The following STXBP5L variants were observed in gnomAD, a reference collection of about 807,000 sequenced individuals.
STXBP5L encodes the protein syntaxin binding protein 5L.
STXBP5L carries 65 observed loss-of-function variants against 144.5 expected under a neutral mutation model. That is an observed-to-expected ratio of 0.45 (90% confidence interval 0.37 to 0.55). The LOEUF is 0.55. Ranked by LOEUF, STXBP5L falls within the 20% of genes least tolerant of loss-of-function variation. The probability of loss-of-function intolerance (pLI) is 0.00; values close to 1 mark genes in which losing one functional copy is unlikely to be tolerated. For synonymous variants in STXBP5L, 505 were observed against 469.6 expected, an observed-to-expected ratio of 1.08 and a Z score of -0.97; for missense variants, 1,298 against 1,405.5, an observed-to-expected ratio of 0.92 and a Z score of 1.22.
At chr3:121,012,644 TTAAA>T (rs569162629) in intron 3 of STXBP5L, among the ~76,000 whole-genome samples, 87 of 151,948 alleles carry the variant, frequency 5.7e-4, no homozygotes, top group African/African-American at 1.9e-3. Flanking sequence ...AAATGTCGAT[TTAAA>T]TATTTTGCTC....
At chr3:121,073,775 T>C (rs1304644944) in intron 5 of STXBP5L, among the ~76,000 whole-genome samples, 3 of 152,114 alleles carry the variant, frequency 2.0e-5, no homozygotes, top group Non-Finnish European at 2.9e-5. Context: ...TAATTTGGAA[T>C]CCAAATGTGA....
At chr3:121,135,885 G>T (rs538790795) in intron 7 of STXBP5L, among the ~76,000 whole-genome samples, 1 of 152,160 alleles carries the variant, frequency 6.6e-6, no homozygotes, top group Non-Finnish European at 1.5e-5. Flanking sequence ...AACTACAGTG[G>T]CCTCAAGCCC....
chr3:121,246,653 T>C (rs1427459922), intron 14 of STXBP5L, among the ~76,000 whole-genome samples: 1 of 152,210 alleles, frequency 6.6e-6, no homozygotes, highest in Admixed American at 6.5e-5. Context: ...ATAGCATCTT[T>C]ATTTGTAACA....
intron 3 of STXBP5L, among the ~76,000 whole-genome samples, chr3:121,018,766 T>C (rs771808848): frequency 2.0e-5 from 3 of 152,168 alleles, no homozygotes; most frequent in Non-Finnish European, 4.4e-5. Context: ...CGGAACTAAC[T>C]TGCAGCTACC....
At chr3:121,313,672 T>G (rs1577432724) in intron 19 of STXBP5L, among the ~76,000 whole-genome samples, 1 of 44,036 alleles carries the variant, frequency 2.3e-5, no homozygotes, top group Non-Finnish European at 4.2e-5. Context: ...CACTTCCCAG[T>G]AGGGGCAGCC....
chr3:121,264,407 C>A (rs1169203231), intron 18 of STXBP5L, among the ~76,000 whole-genome samples: 1 of 151,912 alleles, frequency 6.6e-6, no homozygotes, highest in Non-Finnish European at 1.5e-5. Flanking sequence ...GTAAACATAC[C>A]CATTCTAAAG....
At chr3:121,254,452 A>C (rs926706495) in intron 15 of STXBP5L, among the ~76,000 whole-genome samples, 1 of 152,180 alleles carries the variant, frequency 6.6e-6, no homozygotes, top group Non-Finnish European at 1.5e-5. Flanking sequence ...TGTTGAGAGT[A>C]GTAAACCCTC....
At chr3:120,930,625 A>G (rs944401950) in intron 2 of STXBP5L, among the ~76,000 whole-genome samples, 2 of 152,036 alleles carry the variant, frequency 1.3e-5, no homozygotes, top group Non-Finnish European at 2.9e-5. Flanking sequence ...TTGATATATC[A>G]CATTTTGACA....
At chr3:120,975,094 T>A (rs1250760412) in intron 3 of STXBP5L, among the ~76,000 whole-genome samples, 1 of 152,118 alleles carries the variant, frequency 6.6e-6, no homozygotes, top group African/African-American at 2.4e-5. Flanking sequence ...TCATTGGTAG[T>A]TTGATGGGGA....
At chr3:121,363,565 G>C (rs1341362035) in intron 20 of STXBP5L, among the ~76,000 whole-genome samples, 1 of 151,996 alleles carries the variant, frequency 6.6e-6, no homozygotes, top group Non-Finnish European at 1.5e-5. Context: ...CACAATTGCT[G>C]TTTTCTCCCT....
intron 10 of STXBP5L, among the ~76,000 whole-genome samples, chr3:121,210,863 G>C (rs557107217): frequency 6.6e-6 from 1 of 152,156 alleles, no homozygotes; most frequent in Non-Finnish European, 1.5e-5. Context: ...GTCAAGTAGT[G>C]TGATGCCTCC....
chr3:121,008,720 A>T (rs1181367106), intron 3 of STXBP5L, among the ~76,000 whole-genome samples: 1 of 151,982 alleles, frequency 6.6e-6, no homozygotes, highest in Non-Finnish European at 1.5e-5. Context: ...TTCAATGGTA[A>T]TGTGTCCTTT....
Position 121,227,585 on chromosome 3 carries a change from A to AT in STXBP5L, c.1111+4437dup, listed in dbSNP as rs752080321. On this transcript the variant is annotated intron_variant, in intron 11 of 26. Coordinates refer to ENST00000471454, the MANE Select transcript of STXBP5L (RefSeq NM_001308330.2). The stretch of plus-strand genomic sequence containing the variant: ...GAACAGAGTAAGACTGTTTCAAAAA[A>AT]TTTTTTTTTCTTTATTTTGATTAGC... Among the ~76,000 whole-genome samples, 6 of 151,746 alleles carry AT rather than the reference A, an allele frequency of 4.0e-5. No homozygotes were observed. The South Asian group carries it at 6.2e-4, about 16-fold the overall frequency.
intron 9 of STXBP5L, among the ~76,000 whole-genome samples, chr3:121,177,405 C>G (rs1415487781): frequency 6.6e-6 from 1 of 151,668 alleles, no homozygotes; most frequent in Non-Finnish European, 1.5e-5. Context: ...TCCTACAACT[C>G]AACAACAACA....
chr3:120,958,957 T>G lies in STXBP5L; in HGVS notation c.287+3920T>G, dbSNP rs138691553. Among the ~76,000 whole-genome samples, 1,358 of 152,196 alleles carry G rather than the reference T, an allele frequency of 8.9e-3. 18 individuals carry two copies. Among genetic ancestry groups the G allele is most frequent in the African/African-American group, 0.031 (1,301 of 41,548 alleles). On this transcript the variant is annotated intron_variant, in intron 3 of 26. Coordinates refer to ENST00000471454, the MANE Select transcript of STXBP5L (RefSeq NM_001308330.2). The stretch of plus-strand genomic sequence containing the variant: ...GAGTATTCAATTAGGAAAAGAGGAA[T>G]TCAAATTGTCCCTGTTTGCAGGTGA...
intron 9 of STXBP5L, among the ~76,000 whole-genome samples, chr3:121,185,356 A>T (rs2047333493): frequency 6.6e-6 from 1 of 152,086 alleles, no homozygotes. Context: ...GGTGTTTTAG[A>T]CATGAAGTCC....
At chr3:121,223,465 C>T (rs958330419) in intron 11 of STXBP5L, among the ~76,000 whole-genome samples, 1 of 152,122 alleles carries the variant, frequency 6.6e-6, no homozygotes, top group African/African-American at 2.4e-5. Flanking sequence ...GCTGAGGTCT[C>T]TTAATAGCCT....
chr3:121,337,076 C>G (rs1035281214), intron 20 of STXBP5L, among the ~76,000 whole-genome samples: 1 of 152,022 alleles, frequency 6.6e-6, no homozygotes, highest in Non-Finnish European at 1.5e-5. Flanking sequence ...CAGAGGAAAA[C>G]AGACACTGGG....
intron 6 of STXBP5L, among the ~76,000 whole-genome samples, chr3:121,119,835 T>C (rs2044382927): frequency 6.6e-6 from 1 of 151,366 alleles, no homozygotes; most frequent in Admixed American, 6.6e-5. Flanking sequence ...TTTAAGATAG[T>C]AAATAATGTT....
Sources: gnomAD v4.1 joint callset for allele counts (sites outside exome capture counted in the v4.1 genomes callset) on GRCh38, gnomAD v4.1.1 for gene constraint, MANE v1.5 for transcripts, NCBI Gene and HGNC (gene_info 2026-07-23, HGNC 2026-07-21) for gene names.